Variants in TTC6 observed in about 807,000 individuals in gnomAD.
The protein encoded by TTC6 is tetratricopeptide repeat domain 6.
A neutral mutation model predicts 210.4 loss-of-function variants in TTC6; 172 were observed. The ratio of observed to expected loss-of-function variants is 0.82; its 90% CI spans 0.72 to 0.93. TTC6 has a LOEUF of 0.93. TTC6 is among the 40% of genes least tolerant of loss of function. The pLI is 0.00. For missense variants in TTC6, 2,414 were observed against 2,318.1 expected (o/e 1.04, Z -0.85); for synonymous variants, 804 against 819.6 (o/e 0.98, Z 0.32).
chr14:37,753,257 G>A (rs148452156), intron 14 of TTC6, 22 bp downstream of exon 16: 798 of 1,493,874 alleles, frequency 5.3e-4, no homozygotes, highest in Admixed American at 7.4e-4. Context: ...TTTAGATGTC[G>A]TTTTAAAATT....
At chr14:37,729,343 CAA>C (rs993997927) in intron 7 of TTC6, among the ~76,000 whole-genome samples, 1 of 152,144 alleles carries the variant, frequency 6.6e-6, no homozygotes, top group African/African-American at 2.4e-5. Context: ...TTGCATAAGT[CAA>C]TATGGCATCC....
intron 24 of TTC6, among the ~76,000 whole-genome samples, chr14:37,809,241 T>C (rs1243649934): frequency 7.1e-6 from 1 of 141,592 alleles, no homozygotes; most frequent in Non-Finnish European, 1.5e-5. Flanking sequence ...TTCTACCATA[T>C]GCAGAATTTT....
chr14:37,678,514 C>G (rs1484155064), intron 1 of TTC6, among the ~76,000 whole-genome samples: 1 of 152,204 alleles, frequency 6.6e-6, no homozygotes, highest in African/African-American at 2.4e-5. Flanking sequence ...GTGCCCTCAT[C>G]TCCACACTGT....
intron 2 of TTC6, among the ~76,000 whole-genome samples, chr14:37,615,653 G>C (rs1276542549): frequency 1.3e-5 from 2 of 151,350 alleles, no homozygotes; most frequent in Non-Finnish European, 2.9e-5. Context: ...TTAATCTCTA[G>C]CATATTTTCC....
intron 3 of TTC6, among the ~76,000 whole-genome samples, chr14:37,683,511 A>C (rs972373165): frequency 6.6e-6 from 1 of 152,082 alleles, no homozygotes; most frequent in African/African-American, 2.4e-5. Context: ...GTTGTGGTCA[A>C]CTGCAGTGTG....
At chr14:37,633,273 C>G (rs2095673599) in intron 1 of TTC6, among the ~76,000 whole-genome samples, 1 of 152,216 alleles carries the variant, frequency 6.6e-6, no homozygotes, top group African/African-American at 2.4e-5. Context: ...GAGGGAATCT[C>G]CTGGTCTGCA....
intron 7 of TTC6, among the ~76,000 whole-genome samples, chr14:37,729,102 A>G (rs2095879585): frequency 6.6e-6 from 1 of 152,114 alleles, no homozygotes; most frequent in African/African-American, 2.4e-5. Context: ...TTGCACACAT[A>G]TGTGTATTTT....
chr14:37,718,133 G>A (rs558785215), intron 6 of TTC6, among the ~76,000 whole-genome samples: 84 of 152,290 alleles, frequency 5.5e-4, no homozygotes, highest in African/African-American at 1.9e-3. Flanking sequence ...AACAGATTAA[G>A]ACAACTCCTT....
intron 6 of TTC6, among the ~76,000 whole-genome samples, chr14:37,719,860 GA>G (rs1172564584): frequency 6.9e-6 from 1 of 144,990 alleles, no homozygotes; most frequent in African/African-American, 2.5e-5. Flanking sequence ...GACTTCATCA[GA>G]ATTAATTTTT....
intron 7 of TTC6, among the ~76,000 whole-genome samples, chr14:37,731,432 A>G (rs116175672): frequency 6.6e-6 from 1 of 152,314 alleles, no homozygotes; most frequent in African/African-American, 2.4e-5. Context: ...ACACGACACT[A>G]AATAGGCCTT....
At chr14:37,605,379 G>A (rs1384710604) in intron 1 of TTC6, among the ~76,000 whole-genome samples, 1 of 152,082 alleles carries the variant, frequency 6.6e-6, no homozygotes, top group Admixed American at 6.6e-5. Context: ...ATCAGGATCC[G>A]GGTGGATAAA....
intron 7 of TTC6, among the ~76,000 whole-genome samples, chr14:37,729,383 C>CG (rs1277798314): frequency 6.6e-6 from 1 of 152,180 alleles, no homozygotes; most frequent in African/African-American, 2.4e-5. Context: ...ACATCTGCTT[C>CG]AAGAAAATCT....
rs1678894967 is a variant in TTC6, at chr14:37,669,964, AC to A, written c.940-10186del. Among the ~76,000 whole-genome samples the A allele has an allele frequency of 5.3e-5, 8 of 152,166 alleles. No individual in the cohort carries two copies. In the South Asian group the frequency reaches 1.4e-3, roughly 28 times the overall value. ...TTATCATTTCCTCTCCCAGATCCAT[AC>A]GAGAAAAATTTGGAGGAGATGGAAT... On this transcript the variant is annotated intron_variant, in intron 1 of 30. Coordinates refer to ENST00000553443, the Ensembl canonical transcript of TTC6.
At chr14:37,661,333 A>C (rs1193214692) in intron 1 of TTC6, among the ~76,000 whole-genome samples, 1 of 152,014 alleles carries the variant, frequency 6.6e-6, no homozygotes, top group Non-Finnish European at 1.5e-5. Flanking sequence ...TTACATTTAA[A>C]TCTTTAATCC....
At chr14:37,717,781 G>GAA (rs2095855115) in intron 6 of TTC6, among the ~76,000 whole-genome samples, 1 of 152,052 alleles carries the variant, frequency 6.6e-6, no homozygotes, top group African/African-American at 2.4e-5. Context: ...AAGAAAGAAA[G>GAA]AAAAATGCAG....
At chr14:37,826,195 G>A in exon 28 of TTC6, 1 of 1,574,452 alleles carries the variant, frequency 6.4e-7, no homozygotes, top group East Asian at 2.2e-5. Flanking sequence ...ATTATTTTAG[G>A]CCCAAGGAAA....
intron 15 of TTC6, among the ~76,000 whole-genome samples, chr14:37,790,394 G>T (rs1400241072): frequency 6.6e-6 from 1 of 152,140 alleles, no homozygotes; most frequent in Non-Finnish European, 1.5e-5. Flanking sequence ...GGTATATCAT[G>T]ACCATGGTCA....
intron 7 of TTC6, among the ~76,000 whole-genome samples, chr14:37,725,455 A>G (rs71407723): frequency 0.057 from 8,567 of 150,034 alleles, 377 homozygotes; most frequent in Non-Finnish European, 0.089. Flanking sequence ...GGTTCAAGCA[A>G]TTCTCCTGCC....
At chr14:37,839,871 G>T (rs572284234) in intron 29 of TTC6, among the ~76,000 whole-genome samples, 1 of 152,258 alleles carries the variant, frequency 6.6e-6, no homozygotes, top group South Asian at 2.1e-4. Flanking sequence ...CATATGGCTA[G>T]CCGGTTTTCC....
Sources: allele counts gnomAD v4.1 joint callset (sites outside exome capture counted in the v4.1 genomes callset), GRCh38; gene constraint gnomAD v4.1.1; transcripts MANE v1.5; gene names NCBI Gene and HGNC (gene_info 2026-07-23, HGNC 2026-07-21).